Variants in SNX29 observed in about 807,000 individuals in gnomAD.
SNX29 encodes the protein sorting nexin-29.
Under a neutral mutation model 102.1 loss-of-function variants are expected in SNX29, and 78 were observed. The observed-to-expected ratio is 0.76, with a 90% CI of 0.64 to 0.92. SNX29 has a LOEUF of 0.92. Ranked by LOEUF, SNX29 falls within the 40% of genes least tolerant of loss-of-function variation. SNX29 has a pLI of 0.00. For missense variants in SNX29, 1,280 were observed against 1,061.7 expected (o/e 1.21, Z -2.86); for synonymous variants, 580 against 414.5 (o/e 1.40, Z -4.85).
At chr16:12,261,549 G>A (rs2078763798) in intron 14 of SNX29, among the ~76,000 whole-genome samples, 1 of 141,018 alleles carries the variant, frequency 7.1e-6, no homozygotes, top group African/African-American at 2.7e-5. Context: ...GCTGGAGTAA[G>A]TGTTTGCTCT....
intron 13 of SNX29, among the ~76,000 whole-genome samples, chr16:12,162,801 C>G (rs1447735231): frequency 6.6e-6 from 1 of 152,198 alleles, no homozygotes; most frequent in Admixed American, 6.5e-5. Context: ...AATGCCTGTT[C>G]CATGCAGGTC....
intron 16 of SNX29, among the ~76,000 whole-genome samples, chr16:12,388,346 A>G (rs2083406950): frequency 6.6e-6 from 1 of 152,200 alleles, no homozygotes; most frequent in Non-Finnish European, 1.5e-5. Flanking sequence ...GGGTACAAAT[A>G]AATGTCTCAG....
intron 18 of SNX29, among the ~76,000 whole-genome samples, 169 bp from the exon 19 acceptor site, chr16:12,477,550 C>T: frequency 6.6e-6 from 1 of 152,228 alleles, no homozygotes; most frequent in East Asian, 1.9e-4. Context: ...CCCATCTGTT[C>T]AGCTAGCACT....
chr16:12,224,798 C>T (rs1375844010), intron 14 of SNX29, among the ~76,000 whole-genome samples: 1 of 152,066 alleles, frequency 6.6e-6, no homozygotes, highest in Non-Finnish European at 1.5e-5. Flanking sequence ...GCTCTGTGTC[C>T]TTTTGCATGT....
intron 13 of SNX29, among the ~76,000 whole-genome samples, chr16:12,140,599 G>A (rs903311649): frequency 6.6e-6 from 1 of 152,110 alleles, no homozygotes; most frequent in East Asian, 1.9e-4. Context: ...GGCTTGTGAC[G>A]CTTGGATTCT....
At chr16:12,355,501 C>G (rs908105980) in intron 15 of SNX29, among the ~76,000 whole-genome samples, 6 of 152,174 alleles carry the variant, frequency 3.9e-5, no homozygotes, top group African/African-American at 1.2e-4. Context: ...TGCCTGACCT[C>G]GCATTCTGGG....
chr16:12,239,819 CA>C (rs35375529), intron 14 of SNX29, among the ~76,000 whole-genome samples: 75,437 of 147,968 alleles, frequency 0.51, 19,254 homozygotes, highest in Non-Finnish European at 0.56. Context: ...CACCCTGTCT[CA>C]AAAAAAAAAA....
At chr16:12,293,744 A>G (rs1165420656) in intron 15 of SNX29, among the ~76,000 whole-genome samples, 1 of 152,210 alleles carries the variant, frequency 6.6e-6, no homozygotes, top group Admixed American at 6.5e-5. Flanking sequence ...ATAAAGTACA[A>G]AGGATCTTTT....
chr16:12,413,099 T>G (rs2084472859), intron 18 of SNX29, among the ~76,000 whole-genome samples: 1 of 152,230 alleles, frequency 6.6e-6, no homozygotes. Flanking sequence ...GTTTCTGTTC[T>G]GTGGCCACAG....
intron 20 of SNX29, among the ~76,000 whole-genome samples, chr16:12,562,147 C>G (rs958289455): frequency 1.3e-5 from 2 of 152,138 alleles, no homozygotes; most frequent in African/African-American, 4.8e-5. Context: ...TCTGGCAATA[C>G]CAGGTCTGTG....
intron 13 of SNX29, among the ~76,000 whole-genome samples, chr16:12,148,207 A>C (rs1220835343): frequency 1.3e-5 from 2 of 152,246 alleles, no homozygotes; most frequent in South Asian, 2.1e-4. Context: ...GCTGAGCCAC[A>C]CAGGTTAAAG....
At chr16:12,189,741 A>G (rs1246712792) in intron 13 of SNX29, among the ~76,000 whole-genome samples, 2 of 152,094 alleles carry the variant, frequency 1.3e-5, no homozygotes, top group African/African-American at 4.8e-5. Context: ...TATTCAGCTT[A>G]TAATGCATTA....
chr16:12,545,353 T>C (rs190077678), intron 20 of SNX29: 2 of 152,252 alleles, frequency 1.3e-5, no homozygotes, highest in African/African-American at 2.4e-5. Flanking sequence ...TCCAAGTACA[T>C]ACAGAGTGAC....
rs768939401 is a variant in SNX29, at chr16:12,477,772, G to T, written c.2091G>T (p.Glu697Asp). The part of the protein sequence containing the change: ...DEWNIYRRYT[E>D]FRSLHHKLQN... ...GGAATATTTATCGCCGGTATACAGAGTTCAGGAGTTTGCACCACAAGTTAC... is the reference window on the plus strand; with the variant it reads ...GGAATATTTATCGCCGGTATACAGATTTCAGGAGTTTGCACCACAAGTTAC... Residue 697 changes from glutamate to aspartate, a missense_variant, in exon 19 of 21, where the codon GAG becomes GAT. Physicochemically the swap from Glu to Asp is conservative, Grantham distance 45 (BLOSUM62 2). Coordinates refer to ENST00000566228, the MANE Select transcript of SNX29 (RefSeq NM_032167.5). 3.1e-6 allele frequency: 5 copies of T among 1,613,442 alleles called. No individual in the cohort carries two copies. The highest frequency in any genetic ancestry group is 1.3e-5 in the African/African-American group (1 of 74,990).
chr16:12,115,486 TG>T (rs2053659844), intron 11 of SNX29, among the ~76,000 whole-genome samples: 4 of 16,444 alleles, frequency 2.4e-4, no homozygotes, highest in African/African-American at 1.6e-3. Context: ...CACCTTGATT[TG>T]TGTGTGTGTG....
intron 15 of SNX29, among the ~76,000 whole-genome samples, chr16:12,312,338 T>C (rs1567426233): frequency 6.6e-6 from 1 of 152,184 alleles, no homozygotes; most frequent in Non-Finnish European, 1.5e-5. Context: ...AGCCAGAGCC[T>C]GGGTATAATA....
At chr16:12,221,725 CT>C (rs757751371) in intron 14 of SNX29, among the ~76,000 whole-genome samples, 10 of 152,224 alleles carry the variant, frequency 6.6e-5, no homozygotes, top group Non-Finnish European at 1.3e-4. Flanking sequence ...AAGGGAAGGA[CT>C]GAACATCCGT....
chr16:12,538,735 A>C (rs529478678), intron 20 of SNX29, among the ~76,000 whole-genome samples: 5 of 152,150 alleles, frequency 3.3e-5, no homozygotes, highest in Admixed American at 1.3e-4. Flanking sequence ...CAGACAGGAG[A>C]AGCACACCCA....
intron 18 of SNX29, among the ~76,000 whole-genome samples, chr16:12,461,981 ATATATATATAT>A (rs2086809584): frequency 2.5e-5 from 1 of 40,238 alleles, no homozygotes; most frequent in African/African-American, 1.3e-4. Context: ...AAAAAAAAAT[ATATATATATAT>A]ATATATATAT....
Sources: allele counts gnomAD v4.1 joint callset (sites outside exome capture counted in the v4.1 genomes callset), GRCh38; gene constraint gnomAD v4.1.1; transcripts MANE v1.5; gene names NCBI Gene and HGNC (gene_info 2026-07-23, HGNC 2026-07-21).